The following PARG variants were observed in gnomAD, a reference collection of about 807,000 sequenced individuals.
The protein encoded by PARG is poly(ADP-ribose) glycohydrolase.
A neutral mutation model predicts 113.0 loss-of-function variants in PARG; 35 were observed. The ratio of observed to expected loss-of-function variants is 0.31; its 90% confidence interval spans 0.24 to 0.41. The LOEUF (loss-of-function observed/expected upper bound fraction) is 0.41. Ranked by LOEUF, PARG falls within the 10% of genes least tolerant of loss-of-function variation. The probability of loss-of-function intolerance (pLI) is 1.00; values close to 1 mark genes in which losing one functional copy is unlikely to be tolerated. For synonymous variants in PARG, 330 were observed against 409.9 expected (o/e 0.81, Z 2.36); for missense variants, 797 against 1,169.4 (o/e 0.68, Z 4.64).
chr10:49,848,263 C>CA (rs1214137469), intron 13 of PARG, among the ~76,000 whole-genome samples: 10 of 149,504 alleles, frequency 6.7e-5, no homozygotes, highest in Admixed American at 2.0e-4. Flanking sequence ...GCAGGGGACT[C>CA]ACTTGAACCT....
chr10:49,837,399 C>T (rs575715120), intron 15 of PARG, among the ~76,000 whole-genome samples: 51 of 75,436 alleles, frequency 6.8e-4, no homozygotes, highest in South Asian at 1.8e-3. Flanking sequence ...TGCATATATA[C>T]ACACACACAC....
At chr10:49,912,168 T>G (rs1334023980) in intron 7 of PARG, among the ~76,000 whole-genome samples, 1 of 151,278 alleles carries the variant, frequency 6.6e-6, no homozygotes, top group Non-Finnish European at 1.5e-5. Context: ...GGTGTGGTGG[T>G]GCATGCCTGT....
chr10:49,879,253 T>A (rs1471075272), intron 9 of PARG, among the ~76,000 whole-genome samples: 3 of 152,112 alleles, frequency 2.0e-5, no homozygotes, highest in African/African-American at 7.2e-5. Context: ...TCTCATTTTA[T>A]AAGACCTTTG....
chr10:49,878,492 C>G (rs1397774899), intron 9 of PARG, among the ~76,000 whole-genome samples: 8 of 149,934 alleles, frequency 5.3e-5, no homozygotes, highest in African/African-American at 1.7e-4. Flanking sequence ...GTGGCATGCA[C>G]CTGTAAGCCC....
At chr10:49,934,709 C>T (rs1456056001) in intron 2 of PARG, among the ~76,000 whole-genome samples, 4 of 151,926 alleles carry the variant, frequency 2.6e-5, no homozygotes, top group Admixed American at 1.3e-4. Flanking sequence ...ATTAGCCAGG[C>T]GTGGTGGTGG....
chr10:49,926,094 T>A (rs566794034), intron 4 of PARG, among the ~76,000 whole-genome samples: 1 of 152,292 alleles, frequency 6.6e-6, no homozygotes, highest in South Asian at 2.1e-4. Flanking sequence ...GGGGAAGGCA[T>A]GTCTGTAATA....
chr10:49,862,848 T>G (rs1554836205), intron 11 of PARG, among the ~76,000 whole-genome samples: 2 of 151,726 alleles, frequency 1.3e-5, no homozygotes, highest in African/African-American at 4.8e-5. Context: ...AACTTCCTTT[T>G]TTTGGTCCTA....
chr10:49,929,565 CGCCT>C, intron 4 of PARG, among the ~76,000 whole-genome samples: 1 of 152,362 alleles, frequency 6.6e-6, no homozygotes, highest in South Asian at 2.1e-4. Flanking sequence ...CGGTGGCTCA[CGCCT>C]GTAATCCCAG....
chr10:49,826,350 C>T (rs1844358392), intron 16 of PARG, among the ~76,000 whole-genome samples: 1 of 152,186 alleles, frequency 6.6e-6, no homozygotes, highest in Non-Finnish European at 1.5e-5. Context: ...ATGCTCTATA[C>T]TCCTACCTTC....
chr10:49,886,552 T>A (rs1462827598), intron 7 of PARG, among the ~76,000 whole-genome samples: 1 of 152,150 alleles, frequency 6.6e-6, no homozygotes, highest in Non-Finnish European at 1.5e-5. Context: ...ATTCAATTAG[T>A]CATAAGCATA....
At chr10:49,830,006 C>G (rs912906304) in intron 16 of PARG, among the ~76,000 whole-genome samples, 6 of 151,770 alleles carry the variant, frequency 4.0e-5, no homozygotes, top group African/African-American at 1.5e-4. Context: ...AATATTTATG[C>G]TAATGAAGGG....
chr10:49,918,383 T>C (rs1342570256), intron 6 of PARG, among the ~76,000 whole-genome samples: 1 of 152,234 alleles, frequency 6.6e-6, no homozygotes, highest in Non-Finnish European at 1.5e-5. Context: ...CATTAAGCTT[T>C]AGCTTGTATT....
rs1554832410 is a variant in PARG, at chr10:49,841,995, G to A, written c.2496C>T (p.Tyr832=). 1.3e-6 allele frequency: 2 copies of A among 1,550,146 alleles called. No homozygotes were observed. Among genetic ancestry groups the A allele is most frequent in the Non-Finnish European group, 8.7e-7 (1 of 1,146,878 alleles). ...TTTTCTCAGGCACAAACTGATCGAG[G>A]TAGCGTCTGAAGTGAAGAGCATCGA... is the stretch of plus-strand genomic sequence containing the variant. ...VAIDALHFRR[Y]LDQFVPEKMR... The change falls in exon 15 of 18, where the codon TAC becomes TAT. Residue 832 remains tyrosine, a synonymous_variant. Transcript: ENST00000616448.
At chr10:49,889,018 T>C (rs1259858567) in intron 7 of PARG, among the ~76,000 whole-genome samples, 3 of 151,918 alleles carry the variant, frequency 2.0e-5, no homozygotes, top group African/African-American at 7.2e-5. Flanking sequence ...TCAGTTATTA[T>C]ATTTTTCAGT....
chr10:49,894,395 TA>T (rs1252176257), intron 7 of PARG, among the ~76,000 whole-genome samples: 1 of 152,128 alleles, frequency 6.6e-6, no homozygotes, highest in Non-Finnish European at 1.5e-5. Flanking sequence ...CAAGTATTTA[TA>T]AGTTTTTTTC....
intron 16 of PARG, among the ~76,000 whole-genome samples, chr10:49,829,396 C>T (rs1588867300): frequency 6.6e-6 from 1 of 152,116 alleles, no homozygotes; most frequent in Admixed American, 6.5e-5. Flanking sequence ...TTGTGCTCAG[C>T]TTAGCCTTAT....
intron 9 of PARG, among the ~76,000 whole-genome samples, chr10:49,870,260 T>A (rs1381133292): frequency 6.7e-6 from 1 of 149,956 alleles, no homozygotes; most frequent in Non-Finnish European, 1.5e-5. Flanking sequence ...TACAGTACTC[T>A]CCCTCTGCCA....
intron 16 of PARG, among the ~76,000 whole-genome samples, chr10:49,832,140 A>G (rs1273585334): frequency 6.6e-6 from 1 of 152,252 alleles, no homozygotes; most frequent in East Asian, 1.9e-4. Context: ...TAAATGGCCA[A>G]TAGCTTTGTT....
At chr10:49,939,433 A>T (rs1838909498) in intron 1 of PARG, among the ~76,000 whole-genome samples, 1 of 152,238 alleles carries the variant, frequency 6.6e-6, no homozygotes, top group South Asian at 2.1e-4. Context: ...TTCATGAAAC[A>T]TTTATTTCAG....
Sources: allele counts gnomAD v4.1 joint callset (sites outside exome capture counted in the v4.1 genomes callset), GRCh38; gene constraint gnomAD v4.1.1; transcripts MANE v1.5; gene names NCBI Gene and HGNC (gene_info 2026-07-23, HGNC 2026-07-21).